The following SFI1 variants were observed in gnomAD, a reference collection of about 807,000 sequenced individuals.
The protein encoded by SFI1 is protein SFI1 homolog.
Under a neutral mutation model 207.5 loss-of-function variants are expected in SFI1, and 195 were observed. That is an observed-to-expected ratio of 0.94 (90% CI 0.84 to 1.06). SFI1 has a LOEUF of 1.06. Ranked by LOEUF, SFI1 falls within the 50% of genes least tolerant of loss-of-function variation. The pLI is 0.00. For synonymous variants in SFI1, 630 were observed against 598.9 expected, an observed-to-expected ratio of 1.05 and a Z score of -0.76; for missense variants, 1,634 against 1,588.0, an observed-to-expected ratio of 1.03 and a Z score of -0.49.
At chr22:31,539,741 A>G (rs972498508) in intron 4 of SFI1, among the ~76,000 whole-genome samples, 6 of 151,444 alleles carry the variant, frequency 4.0e-5, no homozygotes, top group African/African-American at 1.5e-4. Context: ...TTTTTGAGAC[A>G]GGGTCTCACT....
At chr22:31,575,102 GT>G in intron 9 of SFI1, 128 bp from the exon 10 acceptor site, 3 of 357,272 alleles carry the variant, frequency 8.4e-6, no homozygotes, top group East Asian at 8.5e-5. Flanking sequence ...GTGTGTGTGT[GT>G]GTGTGTGTGT....
In SFI1 at chr22:31,584,086, C is replaced by T. The variant is rs946892975; in HGVS notation, c.1346+114C>T. Reference sequence around the variant, plus strand: ...GTTAGTGTGGCAGATTCAGAAAGGCCTGCTGGGGTGGAGGTCCTGCTGTAA... The same window carrying T: ...GTTAGTGTGGCAGATTCAGAAAGGCTTGCTGGGGTGGAGGTCCTGCTGTAA... On this transcript the variant is annotated intron_variant, in intron 13 of 32. Coordinates refer to ENST00000400288, the MANE Select transcript of SFI1 (RefSeq NM_001007467.3). 3.3e-5 allele frequency: 29 copies of T among 883,020 alleles called. No homozygotes were observed. In the African/African-American group the frequency reaches 4.8e-4, roughly 15 times the overall value. The allele number at this position is 883,020 out of a possible 1,614,324, so 54.7% of individuals were successfully genotyped here.
At position 31,615,242 on chromosome 22, in the gene SFI1, C is replaced by T. The variant is rs781280738; in HGVS notation, c.3263C>T (p.Ser1088Phe). The part of the protein sequence containing the change: ...TGPELLLLPL[S>F]SFMPCGAAAP... ...CCGGAGCTGCTGCTGCTGCCTCTTT[C>T]CTCCTTCATGCCCTGCGGGGCGGCT... The change falls in exon 29 of 33, where the codon TCC (serine) becomes TTC (phenylalanine). Residue 1088 changes from serine to phenylalanine, a missense_variant. Transcript: ENST00000400288. 9 of 1,528,370 alleles carry T rather than the reference C, an allele frequency of 5.9e-6. No individual in the cohort carries two copies. Among genetic ancestry groups the T allele is most frequent in the Non-Finnish European group, 2.6e-6 (3 of 1,146,096 alleles). 94.7% of individuals were successfully genotyped at this position (1,528,370 alleles called of 1,614,324 possible).
intron 8 of SFI1, among the ~76,000 whole-genome samples, chr22:31,568,306 C>T (rs2145711232): frequency 6.7e-6 from 1 of 149,514 alleles, no homozygotes; most frequent in Non-Finnish European, 1.5e-5. Flanking sequence ...GCAGGTGGAT[C>T]ACCCGAGGTC....
rs1319776211 is a variant in SFI1, at chr22:31,528,791, C to T, written c.194C>T (p.Thr65Ile). 1 of 1,614,092 alleles carries T rather than the reference C, an allele frequency of 6.2e-7. No homozygotes were observed. Among genetic ancestry groups the T allele is most frequent in the Admixed American group, 1.7e-5 (1 of 59,992 alleles). ...SFGIRRELPS[T>I]SHLVQYRGTH... ...GGGATCCGGAGGGAGTTACCTAGTACCAGTCATCTAGTGCAGTATCGTGGC... is the reference window on the plus strand; with the variant it reads ...GGGATCCGGAGGGAGTTACCTAGTATCAGTCATCTAGTGCAGTATCGTGGC... Residue 65 changes from threonine to isoleucine, a missense_variant, in exon 3 of 33, where the codon ACC becomes ATC. Physicochemically the swap from Thr to Ile is moderately conservative, Grantham distance 89. Coordinates refer to ENST00000400288, the MANE Select transcript of SFI1 (RefSeq NM_001007467.3).
intron 15 of SFI1, among the ~76,000 whole-genome samples, chr22:31,594,562 AGAAAAG>A (rs746459188): frequency 1.2e-3 from 14 of 11,222 alleles, no homozygotes; most frequent in Non-Finnish European, 2.5e-3. Flanking sequence ...AAAAAAAAAA[AGAAAAG>A]AAAAAGGCCG....
chr22:31,593,994 GAGGGAGAGGGAC>G lies in SFI1; in HGVS notation c.1544+4429_1544+4440del, dbSNP rs1403770061. On this transcript the variant is annotated intron_variant, in intron 15 of 32. Coordinates refer to ENST00000400288, the MANE Select transcript of SFI1 (RefSeq NM_001007467.3). The stretch of plus-strand genomic sequence containing the variant: ...ACCATGGGGAGACGGAGACGAGGGA[GAGGGAGAGGGAC>G]AGGGAGAGGGAGAGGGAGAGGGAGG... Among the ~76,000 whole-genome samples, 9 of 74,582 alleles carry G rather than the reference GAGGGAGAGGGAC, an allele frequency of 1.2e-4. No individual in the cohort carries two copies. In the East Asian group the frequency reaches 1.2e-3, roughly 10 times the overall value. The allele number at this position is 74,582 out of a possible 152,430, so 48.9% of individuals were successfully genotyped here. A position where few individuals can be genotyped will look rare whatever the true frequency, so the allele number is the denominator to read the frequency against.
At chr22:31,509,689 A>G (rs113764335) in intron 2 of SFI1, among the ~76,000 whole-genome samples, 2 of 152,222 alleles carry the variant, frequency 1.3e-5, no homozygotes, top group African/African-American at 4.8e-5. Flanking sequence ...CAATTCAATC[A>G]AGTTGACACT....
In SFI1 at chr22:31,611,845, G is replaced by C; in HGVS notation, c.2490+5G>C. The C allele has an allele frequency of 6.2e-7, 1 of 1,613,750 alleles. No homozygotes were observed. On this transcript the variant is annotated splice_donor_5th_base_variant and intron_variant, in intron 24 of 32. Transcript: ENST00000400288. Reference sequence around the variant, plus strand: ...TTCCGCCAGTGGAGACAACAGGTGGGAACCCAGGAGATGTCCCCTCTGCAC... The same window carrying C: ...TTCCGCCAGTGGAGACAACAGGTGGCAACCCAGGAGATGTCCCCTCTGCAC...
chr22:31,530,170 T>C, intron 3 of SFI1, among the ~76,000 whole-genome samples: 1 of 9,862 alleles, frequency 1.0e-4, no homozygotes, highest in Non-Finnish European at 2.1e-4. Flanking sequence ...AGACTCCATC[T>C]CAAAAAAAAA....
intron 15 of SFI1, among the ~76,000 whole-genome samples, chr22:31,590,847 TTTTA>T (rs1014987225): frequency 2.3e-4 from 34 of 148,598 alleles, no homozygotes; most frequent in Admixed American, 6.7e-5. Flanking sequence ...CCCCTTCTCT[TTTTA>T]TTTTATTTTT....
intron 2 of SFI1, among the ~76,000 whole-genome samples, chr22:31,517,658 C>CT (rs1372439042): frequency 7.3e-5 from 11 of 151,308 alleles, no homozygotes; most frequent in South Asian, 6.3e-4. Flanking sequence ...GACCCTATTT[C>CT]TTTTTTTTTC....
intron 4 of SFI1, 106 bp downstream of exon 4, chr22:31,531,235 T>G: frequency 3.5e-6 from 3 of 848,218 alleles, no homozygotes; most frequent in Non-Finnish European, 5.6e-6. Flanking sequence ...GTTACATTCC[T>G]CCCCAGCCTC....
At chr22:31,615,479 TC>T (rs2071263899) in intron 29 of SFI1, 200 bp downstream of exon 29, 1 of 446,790 alleles carries the variant, frequency 2.2e-6, no homozygotes, top group Non-Finnish European at 3.9e-6. Context: ...GGCCCTGCCA[TC>T]CTGAAGCTTA....
At position 31,602,789 on chromosome 22, in the gene SFI1, A is replaced by T. The variant is rs748373172; in HGVS notation, c.1805+4A>T. The stretch of plus-strand genomic sequence containing the variant: ...GTGCCCAAGGGCTCAGAACAGAGTG[A>T]GTGGCCAGTTCTGCCTTACAAGCCT... On this transcript the variant is annotated splice_donor_region_variant and intron_variant, in intron 17 of 32. Transcript: ENST00000400288. 27 of 1,612,346 alleles carry T rather than the reference A, an allele frequency of 1.7e-5. No homozygotes were observed. Among genetic ancestry groups the T allele is most frequent in the Non-Finnish European group, 2.3e-5 (27 of 1,179,558 alleles).
chr22:31,552,412 C>T (rs1350337038), intron 6 of SFI1, among the ~76,000 whole-genome samples: 1 of 152,048 alleles, frequency 6.6e-6, no homozygotes, highest in Non-Finnish European at 1.5e-5. Flanking sequence ...GCCACCATGC[C>T]CAACTAATTT....
intron 12 of SFI1, among the ~76,000 whole-genome samples, chr22:31,580,984 A>G (rs1472023345): frequency 6.6e-6 from 1 of 152,138 alleles, no homozygotes; most frequent in Non-Finnish European, 1.5e-5. Context: ...CCTAGGGGAT[A>G]TAGTGATACA....
In SFI1 at chr22:31,602,217, C is replaced by T. The variant is rs1221193725; in HGVS notation, c.1550C>T (p.Thr517Ile). Residue 517 changes from threonine to isoleucine, a missense_variant, in exon 16 of 33, where the codon ACA becomes ATA. Coordinates refer to ENST00000400288, the MANE Select transcript of SFI1 (RefSeq NM_001007467.3). ...CATTCTTCCTTGTTTTTTAGGGAGA[C>T]ATTAGAGAAGCAAGTATTTTCTCTC... is the stretch of plus-strand genomic sequence containing the variant. ...SARATRFHRE[T>I]LEKQVFSLWR... 2 of 1,613,598 alleles carry T rather than the reference C, an allele frequency of 1.2e-6. No individual in the cohort carries two copies. Among genetic ancestry groups the T allele is most frequent in the Non-Finnish European group, 1.7e-6 (2 of 1,179,556 alleles).
At chr22:31,576,204 T>G (rs569689185) in intron 10 of SFI1, among the ~76,000 whole-genome samples, 1 of 152,150 alleles carries the variant, frequency 6.6e-6, no homozygotes, top group East Asian at 1.9e-4. Context: ...TTTGTATTTT[T>G]AGTAGAGACG....
Sources: gnomAD v4.1 joint callset for allele counts (sites outside exome capture counted in the v4.1 genomes callset) on GRCh38, gnomAD v4.1.1 for gene constraint, MANE v1.5 for transcripts, NCBI Gene and HGNC (gene_info 2026-07-23, HGNC 2026-07-21) for gene names.